The following GLIPR1L1 variants were observed in gnomAD, a reference collection of about 807,000 sequenced individuals.
GLIPR1L1 encodes GLIPR1-like protein 1.
GLIPR1L1 carries 26 observed loss-of-function variants against 29.9 expected under a neutral mutation model. That is an observed-to-expected ratio of 0.87 (90% CI 0.64 to 1.21). GLIPR1L1 has a LOEUF of 1.21. GLIPR1L1 is among the 50% of genes most tolerant of loss of function. The pLI, the probability that GLIPR1L1 is intolerant of heterozygous loss-of-function variation, is 0.00. For missense variants in GLIPR1L1, 305 were observed against 290.3 expected (o/e 1.05, Z -0.37); for synonymous variants, 77 against 97.5 (o/e 0.79, Z 1.24).
chr12:75,338,236 G>T (rs11833128), intron 1 of GLIPR1L1, among the ~76,000 whole-genome samples: 51 of 152,086 alleles, frequency 3.4e-4, no homozygotes, highest in African/African-American at 1.1e-3. Context: ...CACATATAAA[G>T]AATATTATAT....
chr12:75,338,503 T>TATTTC (rs1284883081), intron 1 of GLIPR1L1, among the ~76,000 whole-genome samples: 1 of 152,206 alleles, frequency 6.6e-6, no homozygotes, highest in Non-Finnish European at 1.5e-5. Context: ...CAATTCCTTT[T>TATTTC]ATTTCATTTT....
chr12:75,347,443 T>C (rs1467122276), intron 2 of GLIPR1L1, among the ~76,000 whole-genome samples, 179 bp from the exon 3 acceptor site: 2 of 152,050 alleles, frequency 1.3e-5, no homozygotes, highest in Non-Finnish European at 2.9e-5. Context: ...TCTCATAAAA[T>C]CAGCCATGAC....
intron 3 of GLIPR1L1, among the ~76,000 whole-genome samples, chr12:75,350,199 C>T (rs2042714560): frequency 6.6e-6 from 1 of 152,230 alleles, no homozygotes; most frequent in South Asian, 2.1e-4. Context: ...GAGGGATTTT[C>T]AGCACCCCCA....
intron 1 of GLIPR1L1, among the ~76,000 whole-genome samples, chr12:75,339,071 A>C (rs117453169): frequency 6.6e-6 from 1 of 152,304 alleles, no homozygotes; most frequent in East Asian, 1.9e-4. Flanking sequence ...ATACATGTGC[A>C]TGTATGCTTA....
intron 4 of GLIPR1L1, chr12:75,366,891 T>C (rs1243973090): frequency 1.4e-6 from 1 of 701,696 alleles, no homozygotes; most frequent in East Asian, 2.7e-5. Flanking sequence ...GAGGGTTCCC[T>C]GTAGGGCCAC....
At chr12:75,358,445 A>G (rs1045468511) in intron 3 of GLIPR1L1, among the ~76,000 whole-genome samples, 2 of 151,544 alleles carry the variant, frequency 1.3e-5, no homozygotes, top group African/African-American at 4.8e-5. Flanking sequence ...CAGTTAATCA[A>G]CCTGAAAATA....
intron 1 of GLIPR1L1, among the ~76,000 whole-genome samples, chr12:75,340,503 G>A (rs898540930): frequency 6.6e-5 from 10 of 151,484 alleles, no homozygotes; most frequent in African/African-American, 2.4e-4. Context: ...CTCAGGACAG[G>A]GCTAGATGAA....
At chr12:75,345,933 T>G (rs1232219859) in intron 2 of GLIPR1L1, among the ~76,000 whole-genome samples, 9 of 152,192 alleles carry the variant, frequency 5.9e-5, no homozygotes, top group Admixed American at 5.9e-4. Flanking sequence ...CAAGGTTAAG[T>G]AATTAGGAAT....
intron 1 of GLIPR1L1, among the ~76,000 whole-genome samples, chr12:75,342,056 A>C (rs1354912706): frequency 1.3e-5 from 2 of 152,072 alleles, no homozygotes; most frequent in African/African-American, 2.4e-5. Flanking sequence ...TATTTATACA[A>C]CATTCTTGAA....
intron 2 of GLIPR1L1, 67 bp downstream of exon 2, chr12:75,344,005 C>A: frequency 7.5e-7 from 1 of 1,340,730 alleles, no homozygotes; most frequent in Non-Finnish European, 1.0e-6. Flanking sequence ...GAATTTATTT[C>A]TCTGTATGTA....
chr12:75,336,156 G>T (rs1238092763), intron 1 of GLIPR1L1, among the ~76,000 whole-genome samples: 1 of 151,848 alleles, frequency 6.6e-6, no homozygotes, highest in Admixed American at 6.6e-5. Context: ...TGGATGGACC[G>T]TGAGAAGTTA....
chr12:75,356,722 A>T (rs2043178903), intron 3 of GLIPR1L1, among the ~76,000 whole-genome samples: 1 of 152,230 alleles, frequency 6.6e-6, no homozygotes, highest in Non-Finnish European at 1.5e-5. Context: ...TTTAAATGGT[A>T]TAAATGCCCC....
At chr12:75,366,128 G>A (rs147370195) in intron 4 of GLIPR1L1, among the ~76,000 whole-genome samples, 78 of 152,104 alleles carry the variant, frequency 5.1e-4, no homozygotes, top group African/African-American at 1.8e-3. Context: ...AAGCATGTGG[G>A]CTTATTATTT....
At chr12:75,369,855 TA>T (rs2044243956) in intron 4 of GLIPR1L1, 104 bp from the exon 5 acceptor site, 1 of 1,333,850 alleles carries the variant, frequency 7.5e-7, no homozygotes, top group East Asian at 2.7e-5. Context: ...AAAGTCAAAC[TA>T]ATTTTTGTTA....
At chr12:75,345,937 TA>T (rs1023718916) in intron 2 of GLIPR1L1, among the ~76,000 whole-genome samples, 20 of 152,198 alleles carry the variant, frequency 1.3e-4, no homozygotes, top group Non-Finnish European at 2.8e-4. Flanking sequence ...GTTAAGTAAT[TA>T]GGAATGGTTA....
chr12:75,338,740 C>A (rs539553196), intron 1 of GLIPR1L1, among the ~76,000 whole-genome samples: 58 of 152,184 alleles, frequency 3.8e-4, no homozygotes, highest in African/African-American at 1.3e-3. Context: ...CTTCCTGAAG[C>A]TCTCTCTCCT....
chr12:75,343,020 ATTGT>A (rs564233006), intron 1 of GLIPR1L1, among the ~76,000 whole-genome samples: 1,648 of 151,936 alleles, frequency 0.011, 41 homozygotes, highest in African/African-American at 0.038. Flanking sequence ...TTTTTATAGT[ATTGT>A]TTATGTATTA....
At chr12:75,347,125 C>T (rs1347706568) in intron 2 of GLIPR1L1, among the ~76,000 whole-genome samples, 1 of 151,572 alleles carries the variant, frequency 6.6e-6, no homozygotes, top group Non-Finnish European at 1.5e-5. Context: ...TGAAAATCAA[C>T]TCAATATGTT....
At chr12:75,358,838 T>C (rs559204622) in intron 3 of GLIPR1L1, among the ~76,000 whole-genome samples, 3 of 143,932 alleles carry the variant, frequency 2.1e-5, no homozygotes, top group East Asian at 3.9e-4. Context: ...TATATAACAA[T>C]ATATAATATA....
Sources: gnomAD v4.1 joint callset for allele counts (sites outside exome capture counted in the v4.1 genomes callset) on GRCh38, gnomAD v4.1.1 for gene constraint, MANE v1.5 for transcripts, NCBI Gene and HGNC (gene_info 2026-07-23, HGNC 2026-07-21) for gene names.